KMT2B: variants seen among roughly 807,000 people sequenced by gnomAD.
KMT2B encodes lysine methyltransferase 2B.
A neutral mutation model predicts 255.3 loss-of-function variants in KMT2B; 22 were observed. The observed-to-expected ratio is 0.09, with a 90% confidence interval of 0.06 to 0.12. The LOEUF (loss-of-function observed/expected upper bound fraction) is 0.12, where lower values mean the gene tolerates loss of function less well. Among genes scored for constraint, KMT2B ranks in the 10% least tolerant of loss-of-function variants. KMT2B has a pLI of 1.00. For missense variants in KMT2B, 3,149 were observed against 3,737.0 expected (o/e 0.84, Z 4.10); for synonymous variants, 1,730 against 1,498.1 (o/e 1.15, Z -3.57).
chr19:35,730,994 G>A (rs146002996), intron 26 of KMT2B, 127 bp downstream of exon 26: 149 of 1,080,110 alleles, frequency 1.4e-4, no homozygotes, highest in African/African-American at 1.2e-3. Context: ...GTAATGTAAC[G>A]GCAGCTCGCT....
chr19:35,724,514 G>A, intron 8 of KMT2B, 123 bp from the exon 9 acceptor site: 2 of 809,308 alleles, frequency 2.5e-6, no homozygotes, highest in Non-Finnish European at 4.1e-6. Context: ...ACAAGAAAAA[G>A]AATCGTCCTG....
In KMT2B at chr19:35,728,978, T is replaced by G; in HGVS notation, c.4688-7T>G. 6.2e-7 allele frequency: 1 copy of G among 1,613,938 alleles called. No homozygotes were observed. The highest frequency in any genetic ancestry group is 8.5e-7 in the Non-Finnish European group (1 of 1,179,840). On this transcript the variant is annotated splice_region_variant and splice_polypyrimidine_tract_variant and intron_variant, in intron 20 of 36. Coordinates refer to ENST00000420124, the MANE Select transcript of KMT2B (RefSeq NM_014727.3). ...TTCTTAGACCTCCCTTCACATTTCCTCTTCAGCATTCCAGGGCAAGGATCC... is the reference window on the plus strand; with the variant it reads ...TTCTTAGACCTCCCTTCACATTTCCGCTTCAGCATTCCAGGGCAAGGATCC...
In KMT2B at chr19:35,718,318, C is replaced by T. The variant is rs1969037097; in HGVS notation, c.300C>T (p.Gly100=). The T allele has an allele frequency of 8.0e-7, 1 of 1,244,850 alleles. No homozygotes were observed. Among genetic ancestry groups the T allele is most frequent in the East Asian group, 3.2e-5 (1 of 31,708 alleles). The allele number at this position is 1,244,850 out of a possible 1,614,324, so 77.1% of individuals were successfully genotyped here. ...GCCGGGGACGGGGTCGGGGCCGGGGCTGGGGCCCGAGTCGAGGCTGCGTGC... is the reference window on the plus strand; with the variant it reads ...GCCGGGGACGGGGTCGGGGCCGGGGTTGGGGCCCGAGTCGAGGCTGCGTGC... ...QRGRGRGRGR[G]WGPSRGCVPE... Residue 100 remains glycine, a synonymous_variant, in exon 1 of 37, where the codon GGC becomes GGT. Transcript: ENST00000420124. This position sits in a 1 kb window ranked among gnomAD's most constrained non-coding sequence, Gnocchi z 5.0.
At position 35,732,204 on chromosome 19, in the gene KMT2B, TC is replaced by T. The variant is rs1298095106; in HGVS notation, c.5666-5del. 1.3e-6 allele frequency: 2 copies of T among 1,573,062 alleles called. No homozygotes were observed. Among genetic ancestry groups the T allele is most frequent in the Non-Finnish European group, 8.7e-7 (1 of 1,154,402 alleles). On this transcript the variant is annotated splice_polypyrimidine_tract_variant and intron_variant, in intron 27 of 36. Coordinates refer to ENST00000420124, the MANE Select transcript of KMT2B (RefSeq NM_014727.3). ...TGGGAGCTGCTGGTAACACCAACCC[TC>T]CCCCCACAGGAAGTCCATCTTCACT...
Position 35,728,004 on chromosome 19 carries a change from G to C in KMT2B, c.4497+19G>C, listed in dbSNP as rs1408810182. 2 of 1,550,414 alleles carry C rather than the reference G, an allele frequency of 1.3e-6. No homozygotes were observed. The highest frequency in any genetic ancestry group is 2.4e-5 in the South Asian group (2 of 84,284). Reference sequence around the variant, plus strand: ...GCTGAAGGTGAGCTCTTCCGGGGATGCTTGTGGGGTGGGGGAGTGGGACCT... The same window carrying C: ...GCTGAAGGTGAGCTCTTCCGGGGATCCTTGTGGGGTGGGGGAGTGGGACCT... On this transcript the variant is annotated intron_variant, in intron 18 of 36. Transcript: ENST00000420124.
chr19:35,727,702 G>A lies in KMT2B; in HGVS notation c.4307G>A (p.Gly1436Glu), dbSNP rs1305525109. 1 of 1,613,720 alleles carries A rather than the reference G, an allele frequency of 6.2e-7. No individual in the cohort carries two copies. Among genetic ancestry groups the A allele is most frequent in the Admixed American group, 1.7e-5 (1 of 60,032 alleles). Reference sequence around the variant, plus strand: ...GCTAACTTCCCCGCTTTGCAGTGTGGGCCAGATGGGAAGCAACTGCACCCA... The same window carrying A: ...GCTAACTTCCCCGCTTTGCAGTGTGAGCCAGATGGGAAGCAACTGCACCCA... The part of the protein sequence containing the change: ...VGPLLLCTQC[G>E]PDGKQLHPGP... The change falls in exon 17 of 37, where the codon GGG becomes GAG. Residue 1436 changes from glycine to glutamate, a missense_variant. Around this residue, in one of 18 missense-constraint regions of KMT2B, gnomAD observed 377 missense variants for 471.0 expected, o/e 0.80. Coordinates refer to ENST00000420124, the MANE Select transcript of KMT2B (RefSeq NM_014727.3). The surrounding 1 kb of genome is among the most constrained non-coding windows in gnomAD (Gnocchi z 4.2).
Position 35,727,874 on chromosome 19 carries a change from C to T in KMT2B, c.4393-7C>T, listed in dbSNP as rs1004509472. On this transcript the variant is annotated splice_polypyrimidine_tract_variant and splice_region_variant and intron_variant, in intron 17 of 36. Transcript: ENST00000420124. The surrounding 1 kb of genome is among the most constrained non-coding windows in gnomAD (Gnocchi z 4.2). ...GGGGACTCAGTCTCTGACAAACCCCCTTACAGCACAGCTTCATGGAGGACA... is the reference window on the plus strand; with the variant it reads ...GGGGACTCAGTCTCTGACAAACCCCTTTACAGCACAGCTTCATGGAGGACA... 17 of 1,609,516 alleles carry T rather than the reference C, an allele frequency of 1.1e-5. No individual in the cohort carries two copies. The highest frequency in any genetic ancestry group is 1.4e-5 in the Non-Finnish European group (16 of 1,176,958).
intron 27 of KMT2B, 27 bp downstream of exon 27, chr19:35,732,162 G>A (rs769026602): frequency 6.4e-7 from 1 of 1,571,154 alleles, no homozygotes. Flanking sequence ...TGGGGGTTGG[G>A]GGTGGAGCCG....
chr19:35,727,687 C>G lies in KMT2B; in HGVS notation c.4303-11C>G, dbSNP rs761598310. The G allele has an allele frequency of 5.0e-6, 8 of 1,613,586 alleles. No homozygotes were observed. The highest frequency in any genetic ancestry group is 6.8e-6 in the Non-Finnish European group (8 of 1,179,880). ...CCCACCCCCAGCCCTGCTAACTTCC[C>G]CGCTTTGCAGTGTGGGCCAGATGGG... On this transcript the variant is annotated splice_polypyrimidine_tract_variant and intron_variant, in intron 16 of 36. Transcript: ENST00000420124. This position sits in a 1 kb window ranked among gnomAD's most constrained non-coding sequence, Gnocchi z 4.2.
Position 35,718,105 on chromosome 19 carries a change from G to A in KMT2B, c.87G>A (p.Gly29=), listed in dbSNP as rs1344578041. The A allele has an allele frequency of 1.0e-6, 1 of 993,200 alleles. No homozygotes were observed. The highest frequency in any genetic ancestry group is 1.2e-6 in the Non-Finnish European group (1 of 836,514). The allele number at this position is 993,200 out of a possible 1,614,324, so 61.5% of individuals were successfully genotyped here. ...RFPGRPRGAG[G]GGGRGGRGNG... is the part of the protein sequence containing the mutation. ...CGGGCCGGCCGCGGGGCGCCGGCGG[G>A]GGCGGGGGCCGCGGCGGACGGGGCA... Residue 29 remains glycine, a synonymous_variant, in exon 1 of 37, where the codon GGG becomes GGA. Coordinates refer to ENST00000420124, the MANE Select transcript of KMT2B (RefSeq NM_014727.3). The surrounding 1 kb of genome is among the most constrained non-coding windows in gnomAD (Gnocchi z 5.0).
chr19:35,729,733 CTG>C (rs1969614700), intron 22 of KMT2B, among the ~76,000 whole-genome samples: 1 of 152,222 alleles, frequency 6.6e-6, no homozygotes, highest in Non-Finnish European at 1.5e-5. Flanking sequence ...CGCCTGAAAA[CTG>C]TGACAAAGAT....
In KMT2B at chr19:35,733,558, G is replaced by A. The variant is rs756947943; in HGVS notation, c.6960-39G>A. On this transcript the variant is annotated intron_variant, in intron 28 of 36. Coordinates refer to ENST00000420124, the MANE Select transcript of KMT2B (RefSeq NM_014727.3). This position sits in a 1 kb window ranked among gnomAD's most constrained non-coding sequence, Gnocchi z 4.3. ...AGAGCAGGCAAGGGGGCAGATGGGC[G>A]GGAGATGCGGCTCATCCTTCTCGGG... 5 of 1,556,330 alleles carry A rather than the reference G, an allele frequency of 3.2e-6. No individual in the cohort carries two copies. The highest frequency in any genetic ancestry group is 1.4e-5 in the African/African-American group (1 of 73,290).
intron 14 of KMT2B, among the ~76,000 whole-genome samples, chr19:35,726,915 C>T (rs1476520899): frequency 1.4e-5 from 2 of 139,026 alleles, no homozygotes; most frequent in African/African-American, 5.4e-5. Flanking sequence ...ACCCGGGAGG[C>T]GGAGGTTGCA....
chr19:35,728,265 G>C (rs908633513), intron 19 of KMT2B, 94 bp downstream of exon 19: 2 of 1,120,534 alleles, frequency 1.8e-6, no homozygotes, highest in African/African-American at 3.1e-5. Context: ...GATGAGCAGA[G>C]GTAGGGTCTG....
Position 35,721,544 on chromosome 19 carries a change from A to ACAC in KMT2B, c.2198_2200dup (p.Thr733_Gln734insPro), listed in dbSNP as rs1185758705. The ACAC allele has an allele frequency of 6.2e-7, 1 of 1,611,692 alleles. No homozygotes were observed. Among genetic ancestry groups the ACAC allele is most frequent in the Non-Finnish European group, 8.5e-7 (1 of 1,179,864 alleles). On this transcript the variant is annotated inframe_insertion, in exon 3 of 37. Transcript: ENST00000420124. ...TCCAGCTCTGAGCAACGGGCCACAG[A>ACAC]CACAGGCTCAGCTACTGCAGCCCCT...
chr19:35,732,547 A>C lies in KMT2B; in HGVS notation c.5998A>C (p.Thr2000Pro). The C allele has an allele frequency of 6.2e-7, 1 of 1,613,774 alleles. No individual in the cohort carries two copies. The highest frequency in any genetic ancestry group is 8.5e-7 in the Non-Finnish European group (1 of 1,179,868). ...GGACTTCGCGGCCAGCCTGCTGGGG[A>C]CTGAGCCCTTCCAGGAAGAGATTGT... ...DLDFAASLLG[T>P]EPFQEEIVAA... Residue 2000 changes from threonine (T) to proline (P), a missense_variant, in exon 28 of 37, where the codon ACT becomes CCT. Thr to Pro is a conservative substitution (Grantham distance 38, BLOSUM62 -1). This residue lies in a region of KMT2B where 897 missense variants were observed against 825.3 expected (regional missense o/e 1.09). Coordinates refer to ENST00000420124, the MANE Select transcript of KMT2B (RefSeq NM_014727.3).
chr19:35,719,943 G>A lies in KMT2B; in HGVS notation c.596G>A (p.Arg199Gln). 6.2e-7 allele frequency: 1 copy of A among 1,613,386 alleles called. No homozygotes were observed. The highest frequency in any genetic ancestry group is 8.5e-7 in the Non-Finnish European group (1 of 1,179,856). The change falls in exon 3 of 37, where the codon CGG (arginine) becomes CAG (glutamine). Residue 199 changes from arginine to glutamine, a missense_variant. Physicochemically the swap from Arg to Gln is conservative, Grantham distance 43. This residue lies in a region of KMT2B where 1,188 missense variants were observed against 1,106.4 expected (regional missense o/e 1.07). Coordinates refer to ENST00000420124, the MANE Select transcript of KMT2B (RefSeq NM_014727.3). ...CAGGCACTGACTGAACTTCTCCGGCGGGCCCAGGCACCCCAAGCACCCCGG... is the reference window on the plus strand; with the variant it reads ...CAGGCACTGACTGAACTTCTCCGGCAGGCCCAGGCACCCCAAGCACCCCGG... Reference protein sequence around the residue: ...MVQALTELLRRAQAPQAPRSR... With the variant: ...MVQALTELLRQAQAPQAPRSR...
At position 35,719,725 on chromosome 19, in the gene KMT2B, G is replaced by A. The variant is rs114140622; in HGVS notation, c.437-59G>A. 1,099 of 1,534,362 alleles carry A rather than the reference G, an allele frequency of 7.2e-4. 4 individuals are homozygous for A. In the African/African-American group the frequency reaches 0.014, roughly 19 times the overall value. On this transcript the variant is annotated intron_variant, in intron 2 of 36. Transcript: ENST00000420124. ...GACTTAGTCCCTGCCCTCCTGGAGC[G>A]CCTTCCTCTGTGTGTAGGGCTGGCT... is the stretch of plus-strand genomic sequence containing the variant.
Position 35,737,805 on chromosome 19 carries a change from G to A in KMT2B, c.7659-54G>A. On this transcript the variant is annotated intron_variant, in intron 34 of 36. Transcript: ENST00000420124. The surrounding 1 kb of genome is among the most constrained non-coding windows in gnomAD (Gnocchi z 5.3). ...GAAGGGTCTTAGAGAGTGAGCAGGG[G>A]TGAGAGAGGTCATTCTGAGCACCAG... The A allele has an allele frequency of 3.2e-6, 5 of 1,549,018 alleles. No homozygotes were observed. Among genetic ancestry groups the A allele is most frequent in the Non-Finnish European group, 3.5e-6 (4 of 1,143,786 alleles).
Sources: gnomAD v4.1 joint callset for allele counts (sites outside exome capture counted in the v4.1 genomes callset) on GRCh38, gnomAD v4.1.1 for gene constraint, gnomAD v4.1.1 regional missense constraint, Gnocchi (gnomAD v3.1) non-coding constraint, MANE v1.5 for transcripts, NCBI Gene and HGNC (gene_info 2026-07-23, HGNC 2026-07-21) for gene names.